PPM1D: variants seen among roughly 807,000 people sequenced by gnomAD.
PPM1D encodes protein phosphatase 1D.
In PPM1D, 52 loss-of-function variants were observed where a neutral mutation model predicts 58.3. The ratio of observed to expected loss-of-function variants is 0.89; its 90% confidence interval spans 0.71 to 1.12. The LOEUF (loss-of-function observed/expected upper bound fraction) is 1.12, where lower values mean the gene tolerates loss of function less well. Ranked by LOEUF, PPM1D falls within the 50% of genes most tolerant of loss-of-function variation. The probability of loss-of-function intolerance (pLI) is 0.00; values close to 1 mark genes in which losing one functional copy is unlikely to be tolerated. For missense variants in PPM1D, 564 were observed against 777.2 expected, an observed-to-expected ratio of 0.73 and a Z score of 3.26; for synonymous variants, 278 against 285.1, an observed-to-expected ratio of 0.98 and a Z score of 0.25.
At chr17:60,611,019 A>G (rs1230341145) in intron 1 of PPM1D, among the ~76,000 whole-genome samples, 1 of 152,144 alleles carries the variant, frequency 6.6e-6, no homozygotes, top group African/African-American at 2.4e-5. Flanking sequence ...GATTGAGTAC[A>G]TTATTATTTT....
At chr17:60,640,059 C>G (rs2031103909) in intron 3 of PPM1D, among the ~76,000 whole-genome samples, 1 of 152,082 alleles carries the variant, frequency 6.6e-6, no homozygotes, top group African/African-American at 2.4e-5. Flanking sequence ...TGGCTCACAC[C>G]CATAATTCTA....
intron 3 of PPM1D, among the ~76,000 whole-genome samples, chr17:60,642,133 A>G (rs1416122249): frequency 6.6e-6 from 1 of 152,236 alleles, no homozygotes; most frequent in Non-Finnish European, 1.5e-5. Flanking sequence ...AGATAGAATC[A>G]TATAGACTCT....
intron 1 of PPM1D, among the ~76,000 whole-genome samples, chr17:60,602,797 A>AAC (rs562669602): frequency 0.016 from 2,371 of 149,448 alleles, 76 homozygotes; most frequent in East Asian, 0.066. Context: ...AAAAAAAAAA[A>AAC]AAAGTATGCT....
chr17:60,627,728 G>A (rs1239334825), intron 2 of PPM1D, among the ~76,000 whole-genome samples: 2 of 151,720 alleles, frequency 1.3e-5, no homozygotes, highest in Admixed American at 1.3e-4. Context: ...CCAGGAAGGA[G>A]TATTTTGCTC....
rs188197379 is a variant in PPM1D, at chr17:60,617,300, G to A, written c.473-6221G>A. ...TGTGCTGTAGAACTTCTGAGAGTTC[G>A]CCTCATTTATTCATTCACATTTATT... is the stretch of plus-strand genomic sequence containing the variant. On this transcript the variant is annotated intron_variant, in intron 1 of 5. Coordinates refer to ENST00000305921, the MANE Select transcript of PPM1D (RefSeq NM_003620.4). 9.9e-5 allele frequency among the ~76,000 whole-genome samples: 15 copies of A among 151,730 alleles called. No individual in the cohort carries two copies. The East Asian group carries it at 2.9e-3, about 29-fold the overall frequency.
intron 2 of PPM1D, among the ~76,000 whole-genome samples, chr17:60,624,888 C>T (rs1173140316): frequency 1.3e-5 from 2 of 152,142 alleles, no homozygotes; most frequent in East Asian, 3.9e-4. Context: ...GTCTGTAATC[C>T]TAGCACTTTG....
intron 1 of PPM1D, among the ~76,000 whole-genome samples, chr17:60,620,540 T>C (rs1402450740): frequency 6.6e-6 from 1 of 151,652 alleles, no homozygotes. Context: ...TTTGTTTGTT[T>C]TTTTGAGACA....
intron 1 of PPM1D, among the ~76,000 whole-genome samples, chr17:60,611,139 G>T (rs780165427): frequency 5.3e-5 from 8 of 152,018 alleles, no homozygotes; most frequent in Non-Finnish European, 8.8e-5. Context: ...TCCTGCCTCA[G>T]CCTCCCAAAG....
In PPM1D at chr17:60,663,830, G is replaced by A. The variant is rs1353096153; in HGVS notation, c.*278G>A. 3.5e-6 allele frequency: 1 copy of A among 288,794 alleles called. No individual in the cohort carries two copies. The highest frequency in any genetic ancestry group is 6.5e-6 in the Non-Finnish European group (1 of 153,640). 17.9% of individuals were successfully genotyped at this position (288,794 alleles called of 1,614,324 possible). ...CAGTATTCAGAGTCTCTGATACACA[G>A]TAATTGTGACAATAGGGCTAAATGT... On this transcript the variant is annotated 3_prime_UTR_variant, in exon 6 of 6. Transcript: ENST00000305921.
Position 60,665,925 on chromosome 17 carries a change from A to G in PPM1D, c.*2373A>G, listed in dbSNP as rs2143738173. ...AACACCGGAGGGCAAGGAAGAAGCCATGATGTTTTTTGTAACCTAGCCTCT... is the reference window on the plus strand; with the variant it reads ...AACACCGGAGGGCAAGGAAGAAGCCGTGATGTTTTTTGTAACCTAGCCTCT... On this transcript the variant is annotated 3_prime_UTR_variant, in exon 6 of 6. Coordinates refer to ENST00000305921, the MANE Select transcript of PPM1D (RefSeq NM_003620.4). The G allele has an allele frequency of 6.6e-6, 1 of 152,346 alleles. No homozygotes were observed. The allele number at this position is 152,346 out of a possible 1,614,324, so 9.4% of individuals were successfully genotyped here. A position where few individuals can be genotyped will look rare whatever the true frequency, so the allele number is the denominator to read the frequency against.
intron 3 of PPM1D, among the ~76,000 whole-genome samples, chr17:60,636,902 C>T (rs960901503): frequency 1.3e-5 from 2 of 151,520 alleles, no homozygotes; most frequent in Admixed American, 6.6e-5. Context: ...AAATTCCTGG[C>T]TTCAAGCGAT....
At chr17:60,647,157 G>C (rs1041094325) in intron 3 of PPM1D, among the ~76,000 whole-genome samples, 2 of 152,144 alleles carry the variant, frequency 1.3e-5, no homozygotes, top group African/African-American at 2.4e-5. Flanking sequence ...CATTGACTTT[G>C]TAGATTATTT....
At chr17:60,662,938 AT>A in intron 5 of PPM1D, 56 bp from the exon 6 acceptor site, 3 of 1,480,936 alleles carry the variant, frequency 2.0e-6, no homozygotes, top group Non-Finnish European at 2.7e-6. Flanking sequence ...ACATGCATAG[AT>A]TTGTTGAGTT....
rs1335352449 is a variant in PPM1D at position 60,600,689 on chromosome 17, G to A, written c.275G>A (p.Cys92Tyr). ...GCCTCGCCGGCACCTAGCCGCTGCT[G>A]CCGCCGCCGTTCCTCCGTGGCCTTT... ...AGASPAPSRC[C>Y]RRRSSVAFFA... Residue 92 changes from cysteine (C) to tyrosine (Y), a missense_variant, in exon 1 of 6, where the codon TGC becomes TAC. Coordinates refer to ENST00000305921, the MANE Select transcript of PPM1D (RefSeq NM_003620.4). The A allele has an allele frequency of 1.3e-6, 2 of 1,588,812 alleles. No homozygotes were observed. The highest frequency in any genetic ancestry group is 4.6e-5 in the East Asian group (2 of 43,454).
chr17:60,631,944 C>T (rs528462453), intron 2 of PPM1D, among the ~76,000 whole-genome samples: 21 of 151,506 alleles, frequency 1.4e-4, no homozygotes, highest in Non-Finnish European at 2.4e-4. Context: ...TTTGGGAGGC[C>T]GAGGTGGGTG....
chr17:60,619,983 G>GTTTTGTTTTGT (rs1555645340), intron 1 of PPM1D, among the ~76,000 whole-genome samples: 14 of 149,542 alleles, frequency 9.4e-5, no homozygotes, highest in African/African-American at 3.2e-4. Flanking sequence ...TTTTGTTTTT[G>GTTTTGTTTTGT]TTTGTTTTGT....
chr17:60,614,139 A>G (rs1199124425), intron 1 of PPM1D, among the ~76,000 whole-genome samples: 1 of 151,942 alleles, frequency 6.6e-6, no homozygotes, highest in East Asian at 1.9e-4. Flanking sequence ...ATGTCTAGCT[A>G]AGGGATTGTA....
intron 5 of PPM1D, 156 bp downstream of exon 5, chr17:60,656,997 C>G (rs1373201618): frequency 6.4e-7 from 1 of 1,551,044 alleles, no homozygotes; most frequent in Non-Finnish European, 8.7e-7. Context: ...ATCTTTACAT[C>G]AATACTAATC....
chr17:60,640,618 G>A (rs1567973130), intron 3 of PPM1D, among the ~76,000 whole-genome samples: 1 of 152,042 alleles, frequency 6.6e-6, no homozygotes, highest in Non-Finnish European at 1.5e-5. Flanking sequence ...TGAGGTTTGG[G>A]GTACGATTGA....
Sources: allele counts gnomAD v4.1 joint callset (sites outside exome capture counted in the v4.1 genomes callset), GRCh38; gene constraint gnomAD v4.1.1; transcripts MANE v1.5; gene names NCBI Gene and HGNC (gene_info 2026-07-23, HGNC 2026-07-21).